The following NFATC2IP variants were observed in gnomAD, a reference collection of about 807,000 sequenced individuals.
The protein encoded by NFATC2IP is NFATC2-interacting protein.
Under a neutral mutation model 40.2 loss-of-function variants are expected in NFATC2IP, and 25 were observed. The ratio of observed to expected loss-of-function variants is 0.62; its 90% CI spans 0.45 to 0.87. NFATC2IP has a LOEUF of 0.87. Among genes scored for constraint, NFATC2IP ranks in the 40% least tolerant of loss-of-function variants. The pLI, the probability that NFATC2IP is intolerant of heterozygous loss-of-function variation, is 0.00. For missense variants in NFATC2IP, 553 were observed against 555.6 expected (o/e 1.00, Z 0.05); for synonymous variants, 241 against 236.3 (o/e 1.02, Z -0.18).
At position 28,951,200 on chromosome 16, in the gene NFATC2IP, C is replaced by T; in HGVS notation, c.189C>T (p.Thr63=). The change falls in exon 1 of 8, where the codon ACC becomes ACT. Residue 63 remains threonine (T), a synonymous_variant. Coordinates refer to ENST00000320805, the MANE Select transcript of NFATC2IP (RefSeq NM_032815.4). ...ATGAGGAAATTCTGGAGGTCGCCAC[C>T]GCTCGCGGTGCCGCGGACGAGGTTG... ...DSDEEILEVA[T]ARGAADEVEV... is the part of the protein sequence containing the mutation. 10 of 1,538,058 alleles carry T rather than the reference C, an allele frequency of 6.5e-6. No individual in the cohort carries two copies. Among genetic ancestry groups the T allele is most frequent in the South Asian group, 1.2e-5 (1 of 82,748 alleles).
intron 7 of NFATC2IP, among the ~76,000 whole-genome samples, chr16:28,961,864 C>T (rs1351439493): frequency 2.1e-5 from 3 of 142,908 alleles, no homozygotes; most frequent in Non-Finnish European, 4.5e-5. Context: ...CAAGCCACTG[C>T]ACTCCAGCCT....
intron 1 of NFATC2IP, 88 bp downstream of exon 1, chr16:28,951,486 TA>T: frequency 1.6e-6 from 2 of 1,252,442 alleles, no homozygotes; most frequent in Non-Finnish European, 2.0e-6. Flanking sequence ...GGTAGGGCTA[TA>T]GGGGTGTTGA....
intron 5 of NFATC2IP, 169 bp downstream of exon 5, chr16:28,956,506 C>G (rs893852698): frequency 8.4e-6 from 5 of 593,734 alleles, no homozygotes; most frequent in Non-Finnish European, 1.5e-5. Flanking sequence ...TTTTTGTTTC[C>G]TCTGTCTGCA....
intron 2 of NFATC2IP, chr16:28,952,563 C>T (rs544801327): frequency 8.0e-6 from 2 of 250,916 alleles, no homozygotes; most frequent in Admixed American, 5.1e-5. Context: ...TGTCCTCCCC[C>T]ACTGATGCAT....
intron 7 of NFATC2IP, 87 bp from the exon 8 acceptor site, chr16:28,963,618 C>T (rs1439716816): frequency 3.3e-6 from 4 of 1,207,914 alleles, no homozygotes; most frequent in Non-Finnish European, 4.7e-6. Context: ...TGCCGCCATC[C>T]TCCCTGTCCC....
At chr16:28,954,851 C>G (rs568481053) in intron 3 of NFATC2IP, among the ~76,000 whole-genome samples, 169 bp downstream of exon 3, 12 of 152,038 alleles carry the variant, frequency 7.9e-5, no homozygotes, top group African/African-American at 2.9e-4. Context: ...GGTGGCTTAC[C>G]CCGGAGGGTG....
Position 28,959,120 on chromosome 16 carries a change from C to G in NFATC2IP, c.1101+20C>G. On this transcript the variant is annotated intron_variant, in intron 7 of 7. Coordinates refer to ENST00000320805, the MANE Select transcript of NFATC2IP (RefSeq NM_032815.4). ...TCTCGAGTGAGTGGGAGAGATGGCT[C>G]TCCACGCCCCTCACCCTGTCCTCTG... 1 of 1,414,594 alleles carries G rather than the reference C, an allele frequency of 7.1e-7. No homozygotes were observed. Among genetic ancestry groups the G allele is most frequent in the Non-Finnish European group, 1.0e-6 (1 of 998,266 alleles). 87.6% of individuals were successfully genotyped at this position (1,414,594 alleles called of 1,614,324 possible). A position where few individuals can be genotyped will look rare whatever the true frequency, so the allele number is the denominator to read the frequency against.
chr16:28,959,962 A>G (rs1965067666), intron 7 of NFATC2IP, among the ~76,000 whole-genome samples: 1 of 152,190 alleles, frequency 6.6e-6, no homozygotes, highest in South Asian at 2.1e-4. Context: ...TCTGGAGCCT[A>G]GAAGTCTGAA....
In NFATC2IP at chr16:28,950,974, G is replaced by A; in HGVS notation, c.-38G>A. On this transcript the variant is annotated 5_prime_UTR_variant, in exon 1 of 8. Coordinates refer to ENST00000320805, the MANE Select transcript of NFATC2IP (RefSeq NM_032815.4). ...GTCGCTGAAGGGGGCGGGGCGAGGC[G>A]AGAGGAGGCGGGCGTGTGTTGTGGA... is the stretch of plus-strand genomic sequence containing the variant. The A allele has an allele frequency of 6.9e-7, 1 of 1,449,166 alleles. No homozygotes were observed. Among genetic ancestry groups the A allele is most frequent in the Non-Finnish European group, 9.0e-7 (1 of 1,106,856 alleles). 89.8% of individuals were successfully genotyped at this position (1,449,166 alleles called of 1,614,324 possible). A position where few individuals can be genotyped will look rare whatever the true frequency, so the allele number is the denominator to read the frequency against.
rs767078293 is a variant in NFATC2IP at position 28,954,562 on chromosome 16, C to A, written c.461-3C>A. The A allele has an allele frequency of 6.3e-7, 1 of 1,599,472 alleles. No homozygotes were observed. Among genetic ancestry groups the A allele is most frequent in the South Asian group, 1.1e-5 (1 of 90,790 alleles). On this transcript the variant is annotated splice_polypyrimidine_tract_variant and splice_region_variant and intron_variant, in intron 2 of 7. Coordinates refer to ENST00000320805, the MANE Select transcript of NFATC2IP (RefSeq NM_032815.4). ...CTTCTACCTTCTCTTCCTCTGCCCCCAGAGGCAGAGCTGGCAGATTCGAGT... is the reference window on the plus strand; with the variant it reads ...CTTCTACCTTCTCTTCCTCTGCCCCAAGAGGCAGAGCTGGCAGATTCGAGT...
intron 7 of NFATC2IP, among the ~76,000 whole-genome samples, chr16:28,960,802 A>T (rs1965076845): frequency 6.6e-6 from 1 of 152,138 alleles, no homozygotes; most frequent in Non-Finnish European, 1.5e-5. Context: ...TATTCCAGTT[A>T]CCAATAACAC....
At chr16:28,951,498 G>A in intron 1 of NFATC2IP, 100 bp downstream of exon 1, 1 of 1,189,246 alleles carries the variant, frequency 8.4e-7, no homozygotes, top group African/African-American at 1.6e-5. Flanking sequence ...GGGGTGTTGA[G>A]GCTGGCGTTC....
chr16:28,958,682 G>T, intron 5 of NFATC2IP, 35 bp from the exon 6 acceptor site: 1 of 1,583,406 alleles, frequency 6.3e-7, no homozygotes. Flanking sequence ...TTTCAAGGCA[G>T]GAAGACCTCT....
intron 7 of NFATC2IP, 41 bp from the exon 8 acceptor site, chr16:28,963,664 C>G (rs990998737): frequency 5.6e-6 from 9 of 1,598,324 alleles, no homozygotes; most frequent in Admixed American, 1.7e-5. Context: ...TCCCCGCCCC[C>G]TTTCATGTTC....
chr16:28,951,218 C>T lies in NFATC2IP; in HGVS notation c.207C>T (p.Asp69=), dbSNP rs958560839. Residue 69 remains aspartate, a synonymous_variant, in exon 1 of 8, where the codon GAC becomes GAT. Coordinates refer to ENST00000320805, the MANE Select transcript of NFATC2IP (RefSeq NM_032815.4). ...LEVATARGAA[D]EVEVEPPEPP... Reference sequence around the variant, plus strand: ...TCGCCACCGCTCGCGGTGCCGCGGACGAGGTTGAGGTGGAGCCCCCGGAGC... The same window carrying T: ...TCGCCACCGCTCGCGGTGCCGCGGATGAGGTTGAGGTGGAGCCCCCGGAGC... 1 of 1,533,510 alleles carries T rather than the reference C, an allele frequency of 6.5e-7. No homozygotes were observed. The highest frequency in any genetic ancestry group is 1.4e-5 in the African/African-American group (1 of 72,104). The allele number at this position is 1,533,510 out of a possible 1,614,324, so 95.0% of individuals were successfully genotyped here. A position where few individuals can be genotyped will look rare whatever the true frequency, so the allele number is the denominator to read the frequency against.
At chr16:28,951,510 G>A in intron 1 of NFATC2IP, 112 bp downstream of exon 1, 2 of 1,102,966 alleles carry the variant, frequency 1.8e-6, no homozygotes, top group Non-Finnish European at 2.4e-6. Flanking sequence ...CTGGCGTTCT[G>A]GGGCTGGTCC....
chr16:28,958,178 G>A (rs916260872), intron 5 of NFATC2IP, among the ~76,000 whole-genome samples: 1 of 151,794 alleles, frequency 6.6e-6, no homozygotes, highest in African/African-American at 2.4e-5. Flanking sequence ...GGCCAGGTGC[G>A]GTGGCTCACA....
Position 28,958,740 on chromosome 16 carries a change from G to C in NFATC2IP, c.870G>C (p.Val290=). The C allele has an allele frequency of 6.2e-7, 1 of 1,613,612 alleles. No individual in the cohort carries two copies. The highest frequency in any genetic ancestry group is 2.2e-5 in the East Asian group (1 of 44,860). The change falls in exon 6 of 8, where the codon GTG becomes GTC. Residue 290 remains valine, a synonymous_variant. Coordinates refer to ENST00000320805, the MANE Select transcript of NFATC2IP (RefSeq NM_032815.4). ...LRMSEPLQSV[V]DHMATHLGVS... ...AGTCGGAGCCCCTGCAGAGTGTGGT[G>C]GACCACATGGCCACCCACCTTGGGG...
chr16:28,956,425 A>G (rs1235548617), intron 5 of NFATC2IP, 88 bp downstream of exon 5: 3 of 952,470 alleles, frequency 3.1e-6, no homozygotes, highest in Non-Finnish European at 4.8e-6. Context: ...GGCAGAAGGG[A>G]CTGTCATCCT....
Sources: gnomAD v4.1 joint callset for allele counts (sites outside exome capture counted in the v4.1 genomes callset) on GRCh38, gnomAD v4.1.1 for gene constraint, MANE v1.5 for transcripts, NCBI Gene and HGNC (gene_info 2026-07-23, HGNC 2026-07-21) for gene names.